Variants in KPNA5 observed in about 807,000 individuals in gnomAD.
KPNA5 encodes karyopherin subunit alpha 5.
KPNA5 carries 46 observed loss-of-function variants against 71.3 expected under a neutral mutation model. The ratio of observed to expected loss-of-function variants is 0.65; its 90% CI spans 0.51 to 0.83. The LOEUF is 0.83. Ranked by LOEUF, KPNA5 falls within the 40% of genes least tolerant of loss-of-function variation. The probability of loss-of-function intolerance (pLI) is 0.00; values close to 1 mark genes in which losing one functional copy is unlikely to be tolerated. For missense variants in KPNA5, 547 were observed against 628.3 expected (o/e 0.87, Z 1.38); for synonymous variants, 207 against 201.4 (o/e 1.03, Z -0.24).
intron 5 of KPNA5, among the ~76,000 whole-genome samples, chr6:116,700,033 C>T (rs928118971): frequency 6.6e-6 from 1 of 152,224 alleles, no homozygotes; most frequent in African/African-American, 2.4e-5. Context: ...AACATAGCAA[C>T]TTACTCTGTT....
At chr6:116,693,357 G>A (rs1415270332) in intron 4 of KPNA5, among the ~76,000 whole-genome samples, 2 of 152,164 alleles carry the variant, frequency 1.3e-5, no homozygotes, top group Admixed American at 6.5e-5. Flanking sequence ...CACCAACAGT[G>A]TAAAAGTGTT....
Position 116,736,830 on chromosome 6 carries a change from ATCTCT to A in KPNA5, c.*4509_*4513del, listed in dbSNP as rs1222092449. On this transcript the variant is annotated 3_prime_UTR_variant, in exon 14 of 14. Transcript: ENST00000368564. ...CTAATCTTGTCTTCTGCTGTGTCTAATCTCTTAATTCCATTAGTGTATTTTTTATG... is the reference window on the plus strand; with the variant it reads ...CTAATCTTGTCTTCTGCTGTGTCTAATAATTCCATTAGTGTATTTTTTATG... 6.6e-6 allele frequency: 1 copy of A among 151,804 alleles called. No homozygotes were observed. The highest frequency in any genetic ancestry group is 1.5e-5 in the Non-Finnish European group (1 of 67,892). 9.4% of individuals were successfully genotyped at this position (151,804 alleles called of 1,614,324 possible).
intron 8 of KPNA5, among the ~76,000 whole-genome samples, chr6:116,717,378 A>G (rs933370595): frequency 2.0e-5 from 3 of 152,250 alleles, no homozygotes; most frequent in African/African-American, 7.2e-5. Context: ...GTAGGTAGCT[A>G]CTTGACTGAT....
At chr6:116,731,661 T>G (rs2114509454) in intron 13 of KPNA5, among the ~76,000 whole-genome samples, 1 of 152,286 alleles carries the variant, frequency 6.6e-6, no homozygotes, top group Non-Finnish European at 1.5e-5. Context: ...TGTATGGGTT[T>G]GGAAATTTTA....
intron 6 of KPNA5, among the ~76,000 whole-genome samples, chr6:116,703,279 T>G (rs1472069678): frequency 6.6e-6 from 1 of 151,242 alleles, no homozygotes; most frequent in Admixed American, 6.6e-5. Flanking sequence ...TTTTTTTTTT[T>G]GAGATGAAGT....
chr6:116,684,548 C>CTCTCTT (rs1268802677), intron 1 of KPNA5, among the ~76,000 whole-genome samples: 1 of 152,196 alleles, frequency 6.6e-6, no homozygotes, highest in Non-Finnish European at 1.5e-5. Flanking sequence ...TTTTGAACTC[C>CTCTCTT]TTTCCTTTGC....
chr6:116,718,245 A>G (rs1341791980), intron 8 of KPNA5, among the ~76,000 whole-genome samples: 1 of 146,048 alleles, frequency 6.8e-6, no homozygotes, highest in Non-Finnish European at 1.5e-5. Flanking sequence ...GTGTTTTTCT[A>G]TGTCTTTTAA....
chr6:116,694,926 C>T (rs1777964681), intron 4 of KPNA5, among the ~76,000 whole-genome samples: 1 of 152,038 alleles, frequency 6.6e-6, no homozygotes, highest in Admixed American at 6.6e-5. Context: ...ATTCATTTTA[C>T]TATTTTTATG....
chr6:116,689,659 A>G lies in KPNA5; in HGVS notation c.138+206A>G, dbSNP rs556606995. 1.9e-4 allele frequency among the ~76,000 whole-genome samples: 29 copies of G among 152,264 alleles called. 3 individuals carry two copies. In the South Asian group the frequency reaches 5.8e-3, roughly 30 times the overall value. On this transcript the variant is annotated intron_variant, in intron 2 of 13. Transcript: ENST00000368564. The stretch of plus-strand genomic sequence containing the variant: ...GAGAAATGGATTTTCTGTTTTATTG[A>G]TAAACCTGTTGTGTTAATTATATTT...
chr6:116,725,986 A>G (rs1305969012), intron 11 of KPNA5, 110 bp downstream of exon 11: 7 of 1,207,020 alleles, frequency 5.8e-6, no homozygotes, highest in Non-Finnish European at 8.0e-6. Flanking sequence ...ATACCGAAAA[A>G]GTATTTTAAA....
At chr6:116,713,746 G>GT (rs1246635361) in intron 7 of KPNA5, among the ~76,000 whole-genome samples, 1 of 151,966 alleles carries the variant, frequency 6.6e-6, no homozygotes, top group African/African-American at 2.4e-5. Flanking sequence ...CTGCTTCTCA[G>GT]TTTGAATAAT....
chr6:116,692,022 C>T, intron 2 of KPNA5, 33 bp from the exon 3 acceptor site: 1 of 1,360,190 alleles, frequency 7.4e-7, no homozygotes, highest in African/African-American at 1.4e-5. Flanking sequence ...TTATGGAAAG[C>T]TCAATGTGTA....
At chr6:116,700,119 A>G (rs1778173422) in intron 5 of KPNA5, among the ~76,000 whole-genome samples, 1 of 152,174 alleles carries the variant, frequency 6.6e-6, no homozygotes, top group Admixed American at 6.5e-5. Context: ...AGCGTTTGGC[A>G]GACTGAAAAG....
chr6:116,733,021 G>T lies in KPNA5; in HGVS notation c.*698G>T, dbSNP rs1056070047. 37 of 151,662 alleles carry T rather than the reference G, an allele frequency of 2.4e-4. No individual in the cohort carries two copies. Among genetic ancestry groups the T allele is most frequent in the African/African-American group, 8.5e-4 (35 of 41,358 alleles). The allele number at this position is 151,662 out of a possible 1,614,324, so 9.4% of individuals were successfully genotyped here. The stretch of plus-strand genomic sequence containing the variant: ...CATTAAAAAGATTACTTTATAAAAT[G>T]TTTAAATATTTCTGTTTTTAACATA... On this transcript the variant is annotated 3_prime_UTR_variant, in exon 14 of 14. Transcript: ENST00000368564.
At chr6:116,681,920 A>G (rs988010980) in intron 1 of KPNA5, among the ~76,000 whole-genome samples, 1 of 152,092 alleles carries the variant, frequency 6.6e-6, no homozygotes, top group Non-Finnish European at 1.5e-5. Flanking sequence ...TCGATAATAC[A>G]TAGGAGATGG....
rs1779577943 is a variant in KPNA5 at position 116,733,799 on chromosome 6, AT to A, written c.*1479del. ...TTCATGGTCTATTCTTTAAAAAAAGATTTCATTTATGATAGTATTTGTAATG... is the reference window on the plus strand; with the variant it reads ...TTCATGGTCTATTCTTTAAAAAAAGATTCATTTATGATAGTATTTGTAATG... On this transcript the variant is annotated 3_prime_UTR_variant, in exon 14 of 14. Coordinates refer to ENST00000368564, the MANE Select transcript of KPNA5 (RefSeq NM_001366306.2). 1 of 151,644 alleles carries A rather than the reference AT, an allele frequency of 6.6e-6. No homozygotes were observed. The allele number at this position is 151,644 out of a possible 1,614,324, so 9.4% of individuals were successfully genotyped here.
intron 1 of KPNA5, among the ~76,000 whole-genome samples, chr6:116,685,278 T>G (rs544336270): frequency 1.3e-5 from 2 of 152,256 alleles, no homozygotes; most frequent in East Asian, 3.9e-4. Flanking sequence ...TTTTGTTGGT[T>G]TTGTTGTTGT....
intron 8 of KPNA5, among the ~76,000 whole-genome samples, chr6:116,720,625 G>A (rs1158072481): frequency 6.6e-6 from 1 of 152,158 alleles, no homozygotes; most frequent in Admixed American, 6.5e-5. Context: ...GTTGAGGTGG[G>A]TGGATTGTTT....
At position 116,692,850 on chromosome 6, in the gene KPNA5, A is replaced by G. The variant is rs181672407; in HGVS notation, c.340+458A>G. 1.6e-3 allele frequency among the ~76,000 whole-genome samples: 243 copies of G among 152,160 alleles called. 1 individual carries two copies. Among genetic ancestry groups the G allele is most frequent in the African/African-American group, 5.3e-3 (218 of 41,506 alleles). On this transcript the variant is annotated intron_variant, in intron 4 of 13. Coordinates refer to ENST00000368564, the MANE Select transcript of KPNA5 (RefSeq NM_001366306.2). ...GCTGCACCCATTAACTCGTCATTTA[A>G]CATTAGTTATATCTCCTAATGCTAT...
Sources: gnomAD v4.1 joint callset for allele counts (sites outside exome capture counted in the v4.1 genomes callset) on GRCh38, gnomAD v4.1.1 for gene constraint, MANE v1.5 for transcripts, NCBI Gene and HGNC (gene_info 2026-07-23, HGNC 2026-07-21) for gene names.